Variants in POFUT1 observed in about 807,000 individuals in gnomAD.
POFUT1 encodes the protein protein O-fucosyltransferase 1, also known as GDP-fucose protein O-fucosyltransferase 1.
Under a neutral mutation model 42.4 loss-of-function variants are expected in POFUT1, and 16 were observed. That is an observed-to-expected ratio of 0.38 (90% CI 0.26 to 0.57). The LOEUF is 0.57. Ranked by LOEUF, POFUT1 falls within the 20% of genes least tolerant of loss-of-function variation. The pLI is 0.71. For synonymous variants in POFUT1, 206 were observed against 205.4 expected, an observed-to-expected ratio of 1.00 and a Z score of -0.03; for missense variants, 470 against 504.6, an observed-to-expected ratio of 0.93 and a Z score of 0.66.
chr20:32,234,540 A>T lies in POFUT1; in HGVS notation c.1046A>T (p.His349Leu). The T allele has an allele frequency of 6.2e-7, 1 of 1,614,164 alleles. No homozygotes were observed. The highest frequency in any genetic ancestry group is 1.1e-5 in the South Asian group (1 of 91,086). ...CTGTACATCCTCGGCCAAGCCGACC[A>T]CTTTATTGGCAACTGTGTCTCCTCC... The part of the protein sequence containing the change: ...VDLYILGQAD[H>L]FIGNCVSSFT... The change falls in exon 7 of 7, where the codon CAC (histidine) becomes CTC (leucine). Residue 349 changes from histidine to leucine, a missense_variant. Physicochemically the swap from His to Leu is moderately conservative, Grantham distance 99 (BLOSUM62 -3). Transcript: ENST00000375749.
chr20:32,217,141 C>A lies in POFUT1; in HGVS notation c.542+420C>A, dbSNP rs1329350401. Reference sequence around the variant, plus strand: ...TATTGGACGTGTTTATTAATTGCACCCCATTAGCCCCTGTTTTTAAAAAAT... The same window carrying A: ...TATTGGACGTGTTTATTAATTGCACACCATTAGCCCCTGTTTTTAAAAAAT... On this transcript the variant is annotated intron_variant, in intron 4 of 6. Transcript: ENST00000375749. 5 of 1,559,252 alleles carry A rather than the reference C, an allele frequency of 3.2e-6. No homozygotes were observed. In the South Asian group the frequency reaches 5.8e-5, roughly 18 times the overall value.
rs200554178 is a variant in POFUT1 at position 32,228,372 on chromosome 20, A to G, written c.652A>G (p.Met218Val). 20 of 1,614,222 alleles carry G rather than the reference A, an allele frequency of 1.2e-5. No individual in the cohort carries two copies. Among genetic ancestry groups the G allele is most frequent in the Non-Finnish European group, 1.6e-5 (19 of 1,180,038 alleles). The change falls in exon 5 of 7, where the codon ATG (methionine) becomes GTG (valine). Residue 218 changes from methionine (M) to valine (V), a missense_variant. Met to Val is a conservative substitution (Grantham distance 21, BLOSUM62 1). Coordinates refer to ENST00000375749, the MANE Select transcript of POFUT1 (RefSeq NM_015352.2). ...GAAGTACATGGTATGGTCAGACGAAATGGTGAAGACGGGAGAGGCCCAGAT... is the reference window on the plus strand; with the variant it reads ...GAAGTACATGGTATGGTCAGACGAAGTGGTGAAGACGGGAGAGGCCCAGAT... ...LQKYMVWSDE[M>V]VKTGEAQIHA...
At chr20:32,232,924 A>G (rs8119252) in intron 6 of POFUT1, among the ~76,000 whole-genome samples, 1 of 152,164 alleles carries the variant, frequency 6.6e-6, no homozygotes, top group African/African-American at 2.4e-5. Flanking sequence ...TAAGGGTACC[A>G]GTAAATAAGA....
Position 32,237,965 on chromosome 20 carries a change from TA to T in POFUT1, c.*3305del, listed in dbSNP as rs142649615. 9,530 of 405,292 alleles carry T rather than the reference TA, an allele frequency of 0.024. 889 individuals carry two copies. The highest frequency in any genetic ancestry group is 0.18 in the African/African-American group (8,816 of 48,082). 25.1% of individuals were successfully genotyped at this position (405,292 alleles called of 1,614,324 possible). On this transcript the variant is annotated 3_prime_UTR_variant, in exon 7 of 7. Coordinates refer to ENST00000375749, the MANE Select transcript of POFUT1 (RefSeq NM_015352.2). ...TATTTACATAGTTTTAATCATGTAA[TA>T]TATACAATTTAATGTCCTAGTGTTT...
intron 4 of POFUT1, among the ~76,000 whole-genome samples, chr20:32,226,554 C>T (rs1448049125): frequency 6.6e-6 from 1 of 152,042 alleles, no homozygotes; most frequent in Admixed American, 6.6e-5. Flanking sequence ...GTTCCATTAT[C>T]ACAAGGATCC....
chr20:32,216,953 G>A (rs1215850355), intron 4 of POFUT1: 6 of 1,607,042 alleles, frequency 3.7e-6, no homozygotes, highest in East Asian at 2.2e-5. Context: ...GGTTGATAAG[G>A]GATGTCATAA....
chr20:32,220,729 T>C (rs6058556), intron 4 of POFUT1, among the ~76,000 whole-genome samples: 44,725 of 147,738 alleles, frequency 0.3, 9,928 homozygotes, highest in African/African-American at 0.63. Context: ...GGCAGCAGAG[T>C]GAAACTGTCT....
At chr20:32,222,906 A>G (rs768588404) in intron 4 of POFUT1, 4 of 985,314 alleles carry the variant, frequency 4.1e-6, no homozygotes, top group Non-Finnish European at 4.8e-6. Context: ...GGGAACCAGA[A>G]TGAGACTGGA....
chr20:32,231,945 G>A (rs1181235690), intron 6 of POFUT1, among the ~76,000 whole-genome samples: 2 of 152,202 alleles, frequency 1.3e-5, no homozygotes, highest in African/African-American at 4.8e-5. Context: ...TAATACTCAG[G>A]CAATGAGTGA....
intron 2 of POFUT1, among the ~76,000 whole-genome samples, chr20:32,211,322 G>A (rs1305644366): frequency 6.7e-6 from 1 of 149,424 alleles, no homozygotes; most frequent in African/African-American, 2.5e-5. Flanking sequence ...TTGCCAGGCT[G>A]GAGTGCAGTG....
intron 3 of POFUT1, 68 bp downstream of exon 3, chr20:32,215,519 A>C: frequency 7.1e-5 from 93 of 1,308,484 alleles, no homozygotes; most frequent in Non-Finnish European, 8.9e-5. Flanking sequence ...AGACTATGTC[A>C]TGGCAAAATG....
At chr20:32,216,042 C>T (rs1481137179) in intron 3 of POFUT1, among the ~76,000 whole-genome samples, 2 of 152,158 alleles carry the variant, frequency 1.3e-5, no homozygotes, top group East Asian at 3.9e-4. Flanking sequence ...AAATGAGAGG[C>T]TGTCATATCT....
Position 32,234,706 on chromosome 20 carries a change from T to G in POFUT1, c.*45T>G. ...CCCTCTGATCCTGGAGGGACCAGAG[T>G]CTGAGCTGGTCCTTCCAGCCAGGCC... On this transcript the variant is annotated 3_prime_UTR_variant, in exon 7 of 7. Coordinates refer to ENST00000375749, the MANE Select transcript of POFUT1 (RefSeq NM_015352.2). The G allele has an allele frequency of 6.8e-7, 1 of 1,480,794 alleles. No individual in the cohort carries two copies. Among genetic ancestry groups the G allele is most frequent in the Non-Finnish European group, 9.1e-7 (1 of 1,097,068 alleles). The allele number at this position is 1,480,794 out of a possible 1,614,324, so 91.7% of individuals were successfully genotyped here.
At chr20:32,212,481 G>A (rs922558039) in intron 2 of POFUT1, among the ~76,000 whole-genome samples, 65 of 152,134 alleles carry the variant, frequency 4.3e-4, no homozygotes, top group African/African-American at 1.5e-3. Context: ...TCCCAGGCTG[G>A]TCTCAAACTC....
At chr20:32,212,730 G>A (rs2047336369) in intron 2 of POFUT1, among the ~76,000 whole-genome samples, 1 of 152,046 alleles carries the variant, frequency 6.6e-6, no homozygotes, top group Non-Finnish European at 1.5e-5. Flanking sequence ...ACAGGCATGT[G>A]CCACCACACC....
At chr20:32,219,093 G>A (rs2047377255) in intron 4 of POFUT1, among the ~76,000 whole-genome samples, 1 of 152,136 alleles carries the variant, frequency 6.6e-6, no homozygotes, top group African/African-American at 2.4e-5. Flanking sequence ...TTGGATGCTG[G>A]GGATATAGGC....
intron 6 of POFUT1, among the ~76,000 whole-genome samples, chr20:32,232,371 TGA>T (rs1269583286): frequency 3.9e-5 from 6 of 152,022 alleles, no homozygotes; most frequent in Non-Finnish European, 5.9e-5. Flanking sequence ...AAATCAGAGC[TGA>T]GAGATCTCAG....
chr20:32,209,384 T>C (rs2047314229), intron 1 of POFUT1, among the ~76,000 whole-genome samples: 1 of 152,264 alleles, frequency 6.6e-6, no homozygotes, highest in African/African-American at 2.4e-5. Flanking sequence ...TTTACATGTT[T>C]AGTGTCTCTG....
intron 4 of POFUT1, chr20:32,217,424 G>A (rs927054795): frequency 2.3e-5 from 23 of 1,016,286 alleles, no homozygotes; most frequent in East Asian, 9.2e-5. Context: ...ATTCATGTGC[G>A]GTCAAAGCAC....
Sources: gnomAD v4.1 joint callset for allele counts (sites outside exome capture counted in the v4.1 genomes callset) on GRCh38, gnomAD v4.1.1 for gene constraint, MANE v1.5 for transcripts, NCBI Gene and HGNC (gene_info 2026-07-23, HGNC 2026-07-21) for gene names.